IQCH: variants seen among roughly 807,000 people sequenced by gnomAD.
The protein encoded by IQCH is IQ domain-containing protein H.
Under a neutral mutation model 117.0 loss-of-function variants are expected in IQCH, and 98 were observed. That is an observed-to-expected ratio of 0.84 (90% CI 0.71 to 0.99). The LOEUF is 0.99. Ranked by LOEUF, IQCH falls within the 50% of genes least tolerant of loss-of-function variation. The pLI, the probability that IQCH is intolerant of heterozygous loss-of-function variation, is 0.00. For missense variants in IQCH, 1,102 were observed against 1,243.8 expected, an observed-to-expected ratio of 0.89 and a Z score of 1.72; for synonymous variants, 412 against 448.2, an observed-to-expected ratio of 0.92 and a Z score of 1.02.
In IQCH at chr15:67,391,185, T is replaced by G. The variant is rs1328170282; in HGVS notation, c.1632+2179T>G. On this transcript the variant is annotated intron_variant, in intron 12 of 20. Coordinates refer to ENST00000335894, the MANE Select transcript of IQCH (RefSeq NM_001031715.3). This position sits in a 1 kb window ranked among gnomAD's most constrained non-coding sequence, Gnocchi z 4.3. ...CTCACAGATGCACATAGTATAGGTT[T>G]ACATCTTTGTGAGTAGAAACAAGTA... Among the ~76,000 whole-genome samples, 1 of 152,184 alleles carries G rather than the reference T, an allele frequency of 6.6e-6. No individual in the cohort carries two copies. Among genetic ancestry groups the G allele is most frequent in the Non-Finnish European group, 1.5e-5 (1 of 68,036 alleles).
intron 18 of IQCH, among the ~76,000 whole-genome samples, chr15:67,486,626 T>G (rs1567228859): frequency 6.6e-6 from 1 of 152,218 alleles, no homozygotes; most frequent in Non-Finnish European, 1.5e-5. Context: ...TATATTTGTG[T>G]TAACCATAGG....
chr15:67,437,082 C>G (rs1462892233), intron 16 of IQCH, among the ~76,000 whole-genome samples: 8 of 152,202 alleles, frequency 5.3e-5, no homozygotes, highest in Admixed American at 5.2e-4. Flanking sequence ...CACGTCCTGG[C>G]AGGCGGCCAA....
At chr15:67,423,239 G>A (rs1240787420) in intron 16 of IQCH, among the ~76,000 whole-genome samples, 1 of 152,118 alleles carries the variant, frequency 6.6e-6, no homozygotes, top group Non-Finnish European at 1.5e-5. Context: ...GGGAGGAGGA[G>A]CCAGGGGAGG....
Position 67,372,431 on chromosome 15 carries a change from T to G in IQCH, c.1074T>G (p.Leu358=), listed in dbSNP as rs1970573655. The change falls in exon 9 of 21, where the codon CTT becomes CTG. Residue 358 remains leucine, a synonymous_variant. Coordinates refer to ENST00000335894, the MANE Select transcript of IQCH (RefSeq NM_001031715.3). The part of the protein sequence containing the change: ...DPAHVQMLIN[L]PGQRYKGQDG... Reference sequence around the variant, plus strand: ...CTCATGTCCAAATGCTGATAAATCTTCCAGGGCAAAGGTACAAGGGCCAAG... The same window carrying G: ...CTCATGTCCAAATGCTGATAAATCTGCCAGGGCAAAGGTACAAGGGCCAAG... 2 of 1,614,028 alleles carry G rather than the reference T, an allele frequency of 1.2e-6. No homozygotes were observed. The highest frequency in any genetic ancestry group is 1.7e-6 in the Non-Finnish European group (2 of 1,179,972).
At position 67,401,659 on chromosome 15, in the gene IQCH, G is replaced by A. The variant is rs532090209; in HGVS notation, c.2097+1354G>A. Among the ~76,000 whole-genome samples, 1 of 152,060 alleles carries A rather than the reference G, an allele frequency of 6.6e-6. No individual in the cohort carries two copies. Among genetic ancestry groups the A allele is most frequent in the Non-Finnish European group, 1.5e-5 (1 of 68,004 alleles). On this transcript the variant is annotated intron_variant, in intron 14 of 20. Transcript: ENST00000335894. This position sits in a 1 kb window ranked among gnomAD's most constrained non-coding sequence, Gnocchi z 4.7. ...GAGTTCCCTTTGACAAATGTGACTG[G>A]TTTCCCCATGATCTATTCTGGGCTT... is the stretch of plus-strand genomic sequence containing the variant.
In IQCH at chr15:67,416,709, A is replaced by G. The variant is rs2081588071; in HGVS notation, c.2098-222A>G. On this transcript the variant is annotated intron_variant, in intron 14 of 20. Transcript: ENST00000335894. This position sits in a 1 kb window ranked among gnomAD's most constrained non-coding sequence, Gnocchi z 5.1. ...GAGAGAAGGGTGCCTTTCAGAGACA[A>G]CAGGAACAATTAAGAATTTTTAGGG... 6.6e-6 allele frequency among the ~76,000 whole-genome samples: 1 copy of G among 152,164 alleles called. No homozygotes were observed.
At chr15:67,316,031 C>T (rs550932440) in intron 4 of IQCH, among the ~76,000 whole-genome samples, 3 of 152,288 alleles carry the variant, frequency 2.0e-5, no homozygotes, top group Non-Finnish European at 4.4e-5. Context: ...AAATAATTCT[C>T]CTTTCTCCTT....
intron 1 of IQCH, among the ~76,000 whole-genome samples, chr15:67,259,427 G>C (rs982552205): frequency 6.6e-6 from 1 of 152,162 alleles, no homozygotes; most frequent in African/African-American, 2.4e-5. Context: ...TAGAAATTCA[G>C]AAAATTTAGA....
chr15:67,368,024 A>AT (rs1475644990), intron 8 of IQCH, among the ~76,000 whole-genome samples: 1 of 152,206 alleles, frequency 6.6e-6, no homozygotes, highest in Admixed American at 6.5e-5. Flanking sequence ...AGGCACTGTT[A>AT]AAGGTTCTTG....
intron 4 of IQCH, among the ~76,000 whole-genome samples, chr15:67,292,041 T>A (rs187723850): frequency 2.2e-4 from 34 of 151,948 alleles, no homozygotes; most frequent in Admixed American, 2.0e-3. Context: ...CTCATGAGAG[T>A]GAAGCCCTCA....
Position 67,364,475 on chromosome 15 carries a change from G to T in IQCH, c.753+4590G>T, listed in dbSNP as rs1970261292. On this transcript the variant is annotated intron_variant, in intron 8 of 20. Transcript: ENST00000335894. The surrounding 1 kb of genome is among the most constrained non-coding windows in gnomAD (Gnocchi z 4.1). ...TTGTAATTACCGAGAAAAACTACAA[G>T]GACTGTTTTTACTACTTTTCATAGC... Among the ~76,000 whole-genome samples the T allele has an allele frequency of 6.6e-6, 1 of 151,484 alleles. No individual in the cohort carries two copies. The highest frequency in any genetic ancestry group is 2.1e-4 in the South Asian group (1 of 4,746).
chr15:67,308,597 AAG>A lies in IQCH; in HGVS notation c.388-28375_388-28374del, dbSNP rs578169879. Among the ~76,000 whole-genome samples the A allele has an allele frequency of 3.3e-5, 5 of 152,252 alleles. No homozygotes were observed. In the South Asian group the frequency reaches 1.0e-3, roughly 32 times the overall value. On this transcript the variant is annotated intron_variant, in intron 4 of 20. Coordinates refer to ENST00000335894, the MANE Select transcript of IQCH (RefSeq NM_001031715.3). ...GAGCTTTCTCTTCAGGTTGCTTAGAAAGAGTTTTTGACAAAGGAGTGACTTTT... is the reference window on the plus strand; with the variant it reads ...GAGCTTTCTCTTCAGGTTGCTTAGAAAGTTTTTGACAAAGGAGTGACTTTT...
At chr15:67,482,427 C>A (rs541202232) in intron 18 of IQCH, among the ~76,000 whole-genome samples, 1 of 152,236 alleles carries the variant, frequency 6.6e-6, no homozygotes, top group African/African-American at 2.4e-5. Flanking sequence ...CATGGCTTTT[C>A]AGATCAAGAG....
At chr15:67,341,374 C>G (rs1201247922) in intron 5 of IQCH, among the ~76,000 whole-genome samples, 2 of 152,144 alleles carry the variant, frequency 1.3e-5, no homozygotes, top group Non-Finnish European at 2.9e-5. Flanking sequence ...ACTGTATTCT[C>G]TATAAGACAT....
At chr15:67,444,102 A>G (rs962280801) in intron 16 of IQCH, among the ~76,000 whole-genome samples, 7 of 152,254 alleles carry the variant, frequency 4.6e-5, no homozygotes, top group African/African-American at 1.7e-4. Flanking sequence ...AACCACTATC[A>G]CCAAAGAAAA....
chr15:67,321,146 C>T (rs1051180764), intron 4 of IQCH, among the ~76,000 whole-genome samples: 4 of 152,206 alleles, frequency 2.6e-5, no homozygotes, highest in East Asian at 3.9e-4. Flanking sequence ...CCATAAGTTA[C>T]TGTTTTTTGT....
At chr15:67,435,107 T>C (rs904711618) in intron 16 of IQCH, among the ~76,000 whole-genome samples, 1 of 151,560 alleles carries the variant, frequency 6.6e-6, no homozygotes, top group Non-Finnish European at 1.5e-5. Context: ...CACCCGCCTC[T>C]GCCTCCCAAA....
intron 2 of IQCH, among the ~76,000 whole-genome samples, chr15:67,262,087 T>C (rs932687629): frequency 1.6e-4 from 18 of 111,968 alleles, no homozygotes; most frequent in Non-Finnish European, 3.1e-4. Context: ...AGACTCTGTC[T>C]CAAAAAAAAA....
At position 67,458,019 on chromosome 15, in the gene IQCH, C is replaced by T. The variant is rs2082699839; in HGVS notation, c.2506-7108C>T. Among the ~76,000 whole-genome samples the T allele has an allele frequency of 6.6e-6, 1 of 152,170 alleles. No individual in the cohort carries two copies. The highest frequency in any genetic ancestry group is 2.4e-5 in the African/African-American group (1 of 41,440). On this transcript the variant is annotated intron_variant, in intron 16 of 20. Transcript: ENST00000335894. This position sits in a 1 kb window ranked among gnomAD's most constrained non-coding sequence, Gnocchi z 4.1. The stretch of plus-strand genomic sequence containing the variant: ...TCACCAATCCAGGAGAATCTTGAGC[C>T]CCAGGCCCAGAAGTGAGAGCAGAGA...
Sources: gnomAD v4.1 joint callset for allele counts (sites outside exome capture counted in the v4.1 genomes callset) on GRCh38, gnomAD v4.1.1 for gene constraint, Gnocchi (gnomAD v3.1) non-coding constraint, MANE v1.5 for transcripts, NCBI Gene and HGNC (gene_info 2026-07-23, HGNC 2026-07-21) for gene names.